The following ZNF700 variants were observed in gnomAD, a reference collection of about 807,000 sequenced individuals.
The protein encoded by ZNF700 is zinc finger protein 700.
ZNF700 carries 38 observed loss-of-function variants against 65.3 expected under a neutral mutation model. The observed-to-expected ratio is 0.58, with a 90% CI of 0.45 to 0.76. ZNF700 has a LOEUF of 0.76. Ranked by LOEUF, ZNF700 falls within the 30% of genes least tolerant of loss-of-function variation. ZNF700 has a pLI of 0.00. For missense variants in ZNF700, 857 were observed against 888.4 expected (o/e 0.96, Z 0.45); for synonymous variants, 285 against 290.4 (o/e 0.98, Z 0.19).
intron 1 of ZNF700, among the ~76,000 whole-genome samples, chr19:11,943,122 T>A (rs1409571286): frequency 6.6e-6 from 1 of 152,146 alleles, no homozygotes; most frequent in Non-Finnish European, 1.5e-5. Context: ...TTATTATTAT[T>A]TCTATTATAA....
chr19:11,946,125 A>G (rs565139347), intron 1 of ZNF700, among the ~76,000 whole-genome samples: 2 of 152,240 alleles, frequency 1.3e-5, no homozygotes, highest in African/African-American at 4.8e-5. Flanking sequence ...CTGCCAGATT[A>G]AACAAGGCCC....
intron 3 of ZNF700, 80 bp downstream of exon 3, chr19:11,947,654 A>ATT (rs1972982562): frequency 1.6e-6 from 2 of 1,281,874 alleles, no homozygotes; most frequent in Non-Finnish European, 1.1e-6. Flanking sequence ...GAAGTAAAAC[A>ATT]AAGAACTAAA....
At chr19:11,932,820 G>A (rs1425744862) in intron 1 of ZNF700, among the ~76,000 whole-genome samples, 1 of 147,254 alleles carries the variant, frequency 6.8e-6, no homozygotes, top group Non-Finnish European at 1.5e-5. Flanking sequence ...TGTATTTTTA[G>A]TAGAGACGGG....
At chr19:11,937,057 T>C (rs1320741248) in intron 1 of ZNF700, among the ~76,000 whole-genome samples, 1 of 152,218 alleles carries the variant, frequency 6.6e-6, no homozygotes, top group East Asian at 1.9e-4. Context: ...ATATCTGTTT[T>C]GGTCCCAGTA....
intron 3 of ZNF700, among the ~76,000 whole-genome samples, chr19:11,948,069 TAAG>T (rs1461133764): frequency 3.9e-5 from 6 of 152,210 alleles, no homozygotes; most frequent in African/African-American, 1.4e-4. Flanking sequence ...GGAATACTAT[TAAG>T]AAGCCCCTTA....
At chr19:11,947,816 T>G (rs1339430743) in intron 3 of ZNF700, among the ~76,000 whole-genome samples, 1 of 152,156 alleles carries the variant, frequency 6.6e-6, no homozygotes, top group Non-Finnish European at 1.5e-5. Flanking sequence ...GAACAGCCTG[T>G]GCAACATAAC....
Position 11,949,179 on chromosome 19 carries a change from T to C in ZNF700, c.1155T>C (p.Thr385=). The change falls in exon 4 of 4, where the codon ACT becomes ACC. Residue 385 remains threonine (T), a synonymous_variant. Coordinates refer to ENST00000254321, the MANE Select transcript of ZNF700 (RefSeq NM_144566.3). ...KSFQTHEKTH[T]GEKRYKCKQC... ...TTCAAACACATGAAAAAACTCACACTGGAGAGAAACGCTATAAATGCAAGC... is the reference window on the plus strand; with the variant it reads ...TTCAAACACATGAAAAAACTCACACCGGAGAGAAACGCTATAAATGCAAGC... The C allele has an allele frequency of 6.2e-7, 1 of 1,612,878 alleles. No individual in the cohort carries two copies. The highest frequency in any genetic ancestry group is 1.1e-5 in the South Asian group (1 of 90,828).
At position 11,925,152 on chromosome 19, in the gene ZNF700, C is replaced by G. The variant is rs909523183; in HGVS notation, c.-59C>G. 12 of 1,599,784 alleles carry G rather than the reference C, an allele frequency of 7.5e-6. No individual in the cohort carries two copies. Among genetic ancestry groups the G allele is most frequent in the Non-Finnish European group, 9.4e-6 (11 of 1,170,314 alleles). On this transcript the variant is annotated 5_prime_UTR_variant, in exon 1 of 4. Transcript: ENST00000254321. ...GGGCGGCGGTTGGTAACCGGTCAGA[C>G]CAGCCCGAGAGGGACCTGGTGCCTG...
At chr19:11,937,900 A>G (rs1404289068) in intron 1 of ZNF700, among the ~76,000 whole-genome samples, 3 of 152,128 alleles carry the variant, frequency 2.0e-5, no homozygotes, top group African/African-American at 7.2e-5. Context: ...TATGCTGGAG[A>G]TTGCAATTTT....
chr19:11,939,817 T>C lies in ZNF700; in HGVS notation c.64-7364T>C, dbSNP rs568192389. The C allele has an allele frequency of 1.4e-4, 22 of 152,236 alleles. No homozygotes were observed. In the East Asian group the frequency reaches 3.3e-3, roughly 23 times the overall value. 9.4% of individuals were successfully genotyped at this position (152,236 alleles called of 1,614,324 possible). A position where few individuals can be genotyped will look rare whatever the true frequency, so the allele number is the denominator to read the frequency against. On this transcript the variant is annotated intron_variant, in intron 1 of 3. Coordinates refer to ENST00000254321, the MANE Select transcript of ZNF700 (RefSeq NM_144566.3). ...AAAACAAAACTTAAAACTTACCAGC[T>C]TAAGGAATTTTACACGTACACTTGA...
intron 1 of ZNF700, among the ~76,000 whole-genome samples, chr19:11,931,551 T>A (rs1972713333): frequency 6.7e-6 from 1 of 148,444 alleles, no homozygotes; most frequent in Non-Finnish European, 1.5e-5. Flanking sequence ...GGATCTTGTC[T>A]ATTTTTAGTC....
chr19:11,936,489 T>G (rs911390810), intron 1 of ZNF700, among the ~76,000 whole-genome samples: 1 of 152,256 alleles, frequency 6.6e-6, no homozygotes, highest in African/African-American at 2.4e-5. Context: ...ATGTCTTCTT[T>G]TGAGAAATGT....
intron 1 of ZNF700, among the ~76,000 whole-genome samples, chr19:11,936,933 A>G (rs1259325579): frequency 6.6e-6 from 1 of 152,184 alleles, no homozygotes; most frequent in Non-Finnish European, 1.5e-5. Flanking sequence ...AGCACCATTT[A>G]TTAAATAGGG....
At chr19:11,925,328 C>T in intron 1 of ZNF700, 55 bp downstream of exon 1, 1 of 1,599,298 alleles carries the variant, frequency 6.3e-7, no homozygotes, top group Non-Finnish European at 8.5e-7. Flanking sequence ...CTGGAACAGG[C>T]GGGAACCGGC....
In ZNF700 at chr19:11,948,887, A is replaced by G; in HGVS notation, c.863A>G (p.His288Arg). The G allele has an allele frequency of 2.5e-6, 4 of 1,603,302 alleles. No homozygotes were observed. The highest frequency in any genetic ancestry group is 1.1e-5 in the South Asian group (1 of 88,802). Reference sequence around the variant, plus strand: ...TGTAGCAAATGTGATAAAGCATTTCATAGTTCTAGTTCCTATCATAGACAT... The same window carrying G: ...TGTAGCAAATGTGATAAAGCATTTCGTAGTTCTAGTTCCTATCATAGACAT... ...YECSKCDKAF[H>R]SSSSYHRHER... The change falls in exon 4 of 4, where the codon CAT becomes CGT. Residue 288 changes from histidine to arginine, a missense_variant. By Grantham distance (29) the His-to-Arg change is conservative. This residue lies in a region of ZNF700 where 603 missense variants were observed against 619.9 expected (regional missense o/e 0.97). Transcript: ENST00000254321.
chr19:11,925,151 A>G lies in ZNF700; in HGVS notation c.-60A>G. On this transcript the variant is annotated 5_prime_UTR_variant, in exon 1 of 4. Coordinates refer to ENST00000254321, the MANE Select transcript of ZNF700 (RefSeq NM_144566.3). ...CGGGCGGCGGTTGGTAACCGGTCAG[A>G]CCAGCCCGAGAGGGACCTGGTGCCT... 2.5e-6 allele frequency: 4 copies of G among 1,600,210 alleles called. No homozygotes were observed. The highest frequency in any genetic ancestry group is 3.4e-6 in the Non-Finnish European group (4 of 1,170,570).
intron 1 of ZNF700, among the ~76,000 whole-genome samples, chr19:11,942,076 C>T (rs189254420): frequency 6.6e-6 from 1 of 151,892 alleles, no homozygotes; most frequent in Non-Finnish European, 1.5e-5. Context: ...GCCCTTCTTA[C>T]CAGCATCTAT....
intron 1 of ZNF700, among the ~76,000 whole-genome samples, chr19:11,927,556 T>C (rs1972650014): frequency 6.6e-6 from 1 of 152,172 alleles, no homozygotes; most frequent in Non-Finnish European, 1.5e-5. Flanking sequence ...AAGTTTTTCT[T>C]ATGTAGGGAT....
In ZNF700 at chr19:11,948,946, T is replaced by C; in HGVS notation, c.922T>C (p.Cys308Arg). 2 of 1,608,496 alleles carry C rather than the reference T, an allele frequency of 1.2e-6. No individual in the cohort carries two copies. The highest frequency in any genetic ancestry group is 1.7e-6 in the Non-Finnish European group (2 of 1,178,820). The change falls in exon 4 of 4, where the codon TGC becomes CGC. Residue 308 changes from cysteine to arginine, a missense_variant. Physicochemically the swap from Cys to Arg is radical, Grantham distance 180 (BLOSUM62 -3). Transcript: ENST00000254321. Reference sequence around the variant, plus strand: ...TCACATGGGAGAGAAGCCTTATCAATGCAAAGAATGTGGAAAAGCATTTGC... The same window carrying C: ...TCACATGGGAGAGAAGCCTTATCAACGCAAAGAATGTGGAAAAGCATTTGC... ...RSHMGEKPYQ[C>R]KECGKAFAYT...
Sources: allele counts gnomAD v4.1 joint callset (sites outside exome capture counted in the v4.1 genomes callset), GRCh38; gene constraint gnomAD v4.1.1; regional missense constraint gnomAD v4.1.1; transcripts MANE v1.5; gene names NCBI Gene and HGNC (gene_info 2026-07-23, HGNC 2026-07-21).